KATNAL1: variants seen among roughly 807,000 people sequenced by gnomAD.
KATNAL1 encodes katanin p60 ATPase-containing subunit A-like 1.
A neutral mutation model predicts 55.2 loss-of-function variants in KATNAL1; 32 were observed. The observed-to-expected ratio is 0.58, with a 90% CI of 0.44 to 0.78. The LOEUF is 0.78. Ranked by LOEUF, KATNAL1 falls within the 30% of genes least tolerant of loss-of-function variation. KATNAL1 has a pLI of 0.00. For missense variants in KATNAL1, 466 were observed against 600.9 expected, an observed-to-expected ratio of 0.78 and a Z score of 2.35; for synonymous variants, 193 against 193.6, an observed-to-expected ratio of 1.00 and a Z score of 0.02.
At chr13:30,227,113 A>ACACT (rs140776747) in intron 9 of KATNAL1, among the ~76,000 whole-genome samples, 3,596 of 151,196 alleles carry the variant, frequency 0.024, 73 homozygotes, top group Non-Finnish European at 0.036. Context: ...ACACACACAC[A>ACACT]CTCTCTCTCT....
At chr13:30,269,000 A>G (rs936760445) in intron 3 of KATNAL1, among the ~76,000 whole-genome samples, 1 of 152,194 alleles carries the variant, frequency 6.6e-6, no homozygotes, top group African/African-American at 2.4e-5. Flanking sequence ...ATAGTATAAT[A>G]TATAATATAA....
intron 1 of KATNAL1, among the ~76,000 whole-genome samples, chr13:30,298,356 C>T (rs1405787536): frequency 1.3e-5 from 2 of 152,144 alleles, no homozygotes; most frequent in Non-Finnish European, 2.9e-5. Context: ...CTTTTTATTG[C>T]TGAGTAGTAT....
chr13:30,243,608 C>CAAA (rs139687662), intron 4 of KATNAL1, among the ~76,000 whole-genome samples: 273 of 86,344 alleles, frequency 3.2e-3, no homozygotes, highest in African/African-American at 5.2e-3. Flanking sequence ...GGTATTAAGC[C>CAAA]AAAAAAAAAA....
chr13:30,271,036 C>T (rs1880314580), intron 3 of KATNAL1, among the ~76,000 whole-genome samples: 1 of 151,832 alleles, frequency 6.6e-6, no homozygotes, highest in Non-Finnish European at 1.5e-5. Flanking sequence ...ATGTGAGTGA[C>T]ATTTGAACAA....
At chr13:30,297,616 C>T (rs908420896) in intron 1 of KATNAL1, among the ~76,000 whole-genome samples, 4 of 152,116 alleles carry the variant, frequency 2.6e-5, no homozygotes, top group Admixed American at 1.3e-4. Context: ...GAATCAATCT[C>T]GGTATCCATC....
rs958035795 is a variant in KATNAL1, at chr13:30,207,306, T to G, written c.*1234A>C. 5 of 152,344 alleles carry G rather than the reference T, an allele frequency of 3.3e-5. No homozygotes were observed. The East Asian group carries it at 9.6e-4, about 29-fold the overall frequency. 9.4% of individuals were successfully genotyped at this position (152,344 alleles called of 1,614,324 possible). A position where few individuals can be genotyped will look rare whatever the true frequency, so the allele number is the denominator to read the frequency against. On this transcript the variant is annotated 3_prime_UTR_variant, in exon 11 of 11. Coordinates refer to ENST00000380615, the MANE Select transcript of KATNAL1 (RefSeq NM_032116.5). ...TTTCTAATGTGTAATTCCTGCTGAATTGAGTGAGCATGTCAGATTTCTATC... is the reference window on the plus strand; with the variant it reads ...TTTCTAATGTGTAATTCCTGCTGAAGTGAGTGAGCATGTCAGATTTCTATC...
intron 3 of KATNAL1, among the ~76,000 whole-genome samples, chr13:30,269,404 A>T (rs1177894934): frequency 4.6e-5 from 7 of 152,204 alleles, no homozygotes; most frequent in African/African-American, 1.7e-4. Flanking sequence ...CCCAGGCTGG[A>T]GTGCAGTGGC....
At chr13:30,269,665 G>A (rs552080452) in intron 3 of KATNAL1, among the ~76,000 whole-genome samples, 1,802 of 148,620 alleles carry the variant, frequency 0.012, 23 homozygotes, top group Non-Finnish European at 0.02. Flanking sequence ...GGGATGTGAG[G>A]AGCGCCTCTA....
intron 4 of KATNAL1, among the ~76,000 whole-genome samples, chr13:30,250,582 T>C (rs1253352617): frequency 1.3e-5 from 2 of 152,244 alleles, no homozygotes; most frequent in Non-Finnish European, 2.9e-5. Context: ...CTCAAAAGAA[T>C]ATGTCAATCT....
chr13:30,259,755 CA>C (rs1455627246), intron 3 of KATNAL1, among the ~76,000 whole-genome samples: 1 of 152,318 alleles, frequency 6.6e-6, no homozygotes, highest in East Asian at 1.9e-4. Flanking sequence ...GCTAGCACAG[CA>C]GTCTGAGATC....
chr13:30,281,222 A>C (rs1262606289), intron 2 of KATNAL1, among the ~76,000 whole-genome samples: 1 of 151,638 alleles, frequency 6.6e-6, no homozygotes, highest in Non-Finnish European at 1.5e-5. Context: ...TGTAAAGCAG[A>C]GTATAAGAAA....
chr13:30,285,137 G>A (rs1283689062), intron 1 of KATNAL1, among the ~76,000 whole-genome samples: 1 of 152,118 alleles, frequency 6.6e-6, no homozygotes, highest in Non-Finnish European at 1.5e-5. Flanking sequence ...CTAGTTCTAG[G>A]CATTTCAAAG....
chr13:30,279,935 GAAT>G, intron 3 of KATNAL1, 125 bp downstream of exon 3: 1 of 752,626 alleles, frequency 1.3e-6, no homozygotes, highest in Non-Finnish European at 2.1e-6. Context: ...GTATAAATGT[GAAT>G]ATTAAAAACA....
chr13:30,250,656 A>G (rs1370861321), intron 4 of KATNAL1, among the ~76,000 whole-genome samples: 1 of 152,200 alleles, frequency 6.6e-6, no homozygotes, highest in African/African-American at 2.4e-5. Context: ...AAGTCTTCTC[A>G]TGATAAATGG....
chr13:30,242,970 T>C (rs1344916076), intron 4 of KATNAL1, among the ~76,000 whole-genome samples: 2 of 152,118 alleles, frequency 1.3e-5, no homozygotes, highest in Non-Finnish European at 2.9e-5. Context: ...TATAAACAGC[T>C]AGATTAAATG....
intron 3 of KATNAL1, among the ~76,000 whole-genome samples, chr13:30,258,710 T>A (rs1212291913): frequency 6.6e-6 from 1 of 152,218 alleles, no homozygotes; most frequent in Non-Finnish European, 1.5e-5. Flanking sequence ...AGGTATTGGT[T>A]ATTTTATATT....
At chr13:30,237,985 A>C (rs530389649) in intron 6 of KATNAL1, among the ~76,000 whole-genome samples, 1 of 152,274 alleles carries the variant, frequency 6.6e-6, no homozygotes, top group South Asian at 2.1e-4. Flanking sequence ...CATAATCACC[A>C]TCCCAATTCA....
chr13:30,257,663 A>G (rs1376880550), intron 3 of KATNAL1, among the ~76,000 whole-genome samples: 1 of 152,216 alleles, frequency 6.6e-6, no homozygotes, highest in South Asian at 2.1e-4. Flanking sequence ...GTAAAGCTGT[A>G]TTGTGGAAGA....
At position 30,210,555 on chromosome 13, in the gene KATNAL1, A is replaced by G. The variant is rs1035202486; in HGVS notation, c.1148-113T>C. On this transcript the variant is annotated intron_variant, in intron 9 of 10. Transcript: ENST00000380615. ...ATGAGGCCAATGCAAAGAAGAGTCA[A>G]TAACTGTGTGTCCATTAGTATTATT... is the stretch of plus-strand genomic sequence containing the variant. 4 of 829,326 alleles carry G rather than the reference A, an allele frequency of 4.8e-6. No homozygotes were observed. In the African/African-American group the frequency reaches 5.3e-5, roughly 11 times the overall value. The allele number at this position is 829,326 out of a possible 1,614,324, so 51.4% of individuals were successfully genotyped here. A position where few individuals can be genotyped will look rare whatever the true frequency, so the allele number is the denominator to read the frequency against.
Sources: gnomAD v4.1 joint callset for allele counts (sites outside exome capture counted in the v4.1 genomes callset) on GRCh38, gnomAD v4.1.1 for gene constraint, MANE v1.5 for transcripts, NCBI Gene and HGNC (gene_info 2026-07-23, HGNC 2026-07-21) for gene names.